The following DOCK4 variants were observed in gnomAD, a reference collection of about 807,000 sequenced individuals.
DOCK4 encodes the protein dedicator of cytokinesis 4.
In DOCK4, 97 loss-of-function variants were observed where a neutral mutation model predicts 268.1. That is an observed-to-expected ratio of 0.36 (90% CI 0.31 to 0.43). The LOEUF (loss-of-function observed/expected upper bound fraction) is 0.43, where lower values mean the gene tolerates loss of function less well. DOCK4 is among the 20% of genes least tolerant of loss of function. The pLI is 1.00. For synonymous variants in DOCK4, 954 were observed against 887.2 expected (o/e 1.08, Z -1.34); for missense variants, 2,145 against 2,455.7 (o/e 0.87, Z 2.67).
chr7:112,169,704 G>C (rs149103185), intron 1 of DOCK4, among the ~76,000 whole-genome samples: 5 of 152,044 alleles, frequency 3.3e-5, no homozygotes. Flanking sequence ...TTCTGGCCTC[G>C]ATTCCAGCAT....
rs1789531586 is a variant in DOCK4 at position 111,862,971 on chromosome 7, A to T, written c.2473+401T>A. 3 of 202,452 alleles carry T rather than the reference A, an allele frequency of 1.5e-5. No individual in the cohort carries two copies. In the South Asian group the frequency reaches 2.3e-4, roughly 15 times the overall value. The allele number at this position is 202,452 out of a possible 1,614,324, so 12.5% of individuals were successfully genotyped here. ...ACTAACAGTTATTATAACAAAATTA[A>T]TTTGAGTCACTGACCACTTGCTCTT... is the stretch of plus-strand genomic sequence containing the variant. On this transcript the variant is annotated intron_variant, in intron 23 of 52. Coordinates refer to ENST00000428084, the MANE Select transcript of DOCK4 (RefSeq NM_001363540.2).
chr7:111,767,079 C>G lies in DOCK4; in HGVS notation c.3868G>C (p.Glu1290Gln), dbSNP rs1797806212. ...NGIILCRKIAEQYESYYDYRN... is the reference protein window; with the variant it reads ...NGIILCRKIAQQYESYYDYRN... The stretch of plus-strand genomic sequence containing the variant: ...TAGTCATAATAACTCTCATACTGCT[C>G]TGCAATCTTCCGGCACAAGATAATG... Residue 1290 changes from glutamate to glutamine, a missense_variant, in exon 38 of 53, where the codon GAG becomes CAG. Transcript: ENST00000428084. The G allele has an allele frequency of 6.2e-7, 1 of 1,613,856 alleles. No individual in the cohort carries two copies. The highest frequency in any genetic ancestry group is 2.2e-5 in the East Asian group (1 of 44,880).
At chr7:111,764,331 A>T (rs1797640344) in intron 39 of DOCK4, among the ~76,000 whole-genome samples, 1 of 152,254 alleles carries the variant, frequency 6.6e-6, no homozygotes, top group Non-Finnish European at 1.5e-5. Flanking sequence ...ATGTGCTGAC[A>T]GGCAAGATTT....
rs73422427 is a variant in DOCK4 at position 111,876,962 on chromosome 7, G to A, written c.1744+68C>T. 2,314 of 1,265,144 alleles carry A rather than the reference G, an allele frequency of 1.8e-3. 37 individuals carry two copies. The African/African-American group carries it at 0.033, about 18-fold the overall frequency. The allele number at this position is 1,265,144 out of a possible 1,614,324, so 78.4% of individuals were successfully genotyped here. A position where few individuals can be genotyped will look rare whatever the true frequency, so the allele number is the denominator to read the frequency against. ...CTTAACTATCACTTTGGTGTTTACT[G>A]AATATGCTTACCAAAATATACATGA... On this transcript the variant is annotated intron_variant, in intron 17 of 52. Transcript: ENST00000428084.
chr7:111,998,430 A>C lies in DOCK4; in HGVS notation c.218+18T>G, dbSNP rs528970567. 9 of 1,550,800 alleles carry C rather than the reference A, an allele frequency of 5.8e-6. No individual in the cohort carries two copies. In the African/African-American group the frequency reaches 1.2e-4, roughly 21 times the overall value. ...CTCTGTGAAAATCCTCCAACTACTA[A>C]TAAAACTCATTTCTTACCCTTTGTT... On this transcript the variant is annotated intron_variant, in intron 4 of 52. Transcript: ENST00000428084.
At chr7:112,069,925 G>C (rs1257258831) in intron 1 of DOCK4, among the ~76,000 whole-genome samples, 34 of 152,172 alleles carry the variant, frequency 2.2e-4, no homozygotes, top group Admixed American at 2.2e-3. Context: ...CATGGGAAGA[G>C]AGTTACACAG....
intron 36 of DOCK4, among the ~76,000 whole-genome samples, chr7:111,771,955 C>A (rs1472018043): frequency 6.6e-6 from 1 of 152,090 alleles, no homozygotes; most frequent in East Asian, 1.9e-4. Context: ...CAGAAAATAC[C>A]CCAGAGACTA....
Position 111,944,912 on chromosome 7 carries a change from C to A in DOCK4, c.784-41G>T, listed in dbSNP as rs376076615. The stretch of plus-strand genomic sequence containing the variant: ...GTTTGGTTATTTTGGAAGACATGAG[C>A]GGCACTTAAAGGGCATAGCACTTTA... On this transcript the variant is annotated intron_variant, in intron 9 of 52. Transcript: ENST00000428084. The A allele has an allele frequency of 5.7e-6, 9 of 1,579,834 alleles. No homozygotes were observed. The South Asian group carries it at 7.8e-5, about 14-fold the overall frequency.
chr7:112,126,863 C>T (rs1813267760), intron 1 of DOCK4, among the ~76,000 whole-genome samples: 2 of 152,118 alleles, frequency 1.3e-5, no homozygotes, highest in East Asian at 1.9e-4. Context: ...CAATGAGATA[C>T]CATCTCACAC....
chr7:111,924,282 A>T (rs1367518562), intron 12 of DOCK4, among the ~76,000 whole-genome samples: 1 of 152,044 alleles, frequency 6.6e-6, no homozygotes, highest in Non-Finnish European at 1.5e-5. Flanking sequence ...TTTCACAGGG[A>T]TCCCATGCAT....
chr7:111,811,916 A>C lies in DOCK4; in HGVS notation c.2964T>G (p.Asp988Glu). The C allele has an allele frequency of 6.5e-7, 1 of 1,530,950 alleles. No homozygotes were observed. The allele number at this position is 1,530,950 out of a possible 1,614,324, so 94.8% of individuals were successfully genotyped here. Residue 988 changes from aspartate to glutamate, a missense_variant, in exon 28 of 53, where the codon GAT (aspartate) becomes GAG (glutamate). Around this residue, in one of 2 missense-constraint regions of DOCK4, gnomAD observed 1,598 missense variants for 1,986.7 expected, o/e 0.80. Coordinates refer to ENST00000428084, the MANE Select transcript of DOCK4 (RefSeq NM_001363540.2). ...CATTTAAGAAGTTCTTACGAAGTGC[A>C]TCTGAGAGGTATAGAACTGTTGTAA... ...VIITTVLYLS[D>E]ALRKNFLNEN...
chr7:111,756,252 G>A (rs1474172611), intron 41 of DOCK4, among the ~76,000 whole-genome samples: 2 of 152,194 alleles, frequency 1.3e-5, no homozygotes, highest in Non-Finnish European at 2.9e-5. Context: ...GGGAGGCTGA[G>A]GCAGAAGAAT....
chr7:111,817,680 A>C (rs1801660176), intron 27 of DOCK4, among the ~76,000 whole-genome samples: 1 of 152,144 alleles, frequency 6.6e-6, no homozygotes, highest in South Asian at 2.1e-4. Flanking sequence ...TGCTCTTTTA[A>C]TTATCCCTGT....
intron 1 of DOCK4, among the ~76,000 whole-genome samples, chr7:112,080,039 T>C (rs879440500): frequency 6.6e-5 from 10 of 152,264 alleles, no homozygotes; most frequent in African/African-American, 2.2e-4. Flanking sequence ...GGTTCCTTAG[T>C]TATCTAAATT....
At chr7:111,914,206 T>C (rs1451425224) in intron 13 of DOCK4, among the ~76,000 whole-genome samples, 8 of 152,142 alleles carry the variant, frequency 5.3e-5, no homozygotes, top group Admixed American at 6.5e-5. Flanking sequence ...TAAACAGGTC[T>C]TACTCTCGCC....
chr7:112,144,799 C>T (rs1815288794), intron 1 of DOCK4, among the ~76,000 whole-genome samples: 1 of 152,162 alleles, frequency 6.6e-6, no homozygotes, highest in Non-Finnish European at 1.5e-5. Flanking sequence ...CTAAAGCACA[C>T]TGTGGTATGC....
intron 1 of DOCK4, among the ~76,000 whole-genome samples, chr7:112,201,965 T>C (rs1401923758): frequency 2.0e-5 from 3 of 152,230 alleles, no homozygotes; most frequent in Non-Finnish European, 4.4e-5. Flanking sequence ...GTGCCAGACT[T>C]ACACTTACTT....
At chr7:111,738,517 G>T (rs2133413371) in intron 49 of DOCK4, among the ~76,000 whole-genome samples, 1 of 152,266 alleles carries the variant, frequency 6.6e-6, no homozygotes, top group South Asian at 2.1e-4. Context: ...TGCAAACACA[G>T]GCACTTTATT....
intron 5 of DOCK4, among the ~76,000 whole-genome samples, chr7:111,993,435 AC>A (rs1277422972): frequency 6.6e-6 from 1 of 152,186 alleles, no homozygotes. Flanking sequence ...CCATATTCAT[AC>A]CAGAACCCCA....
Sources: gnomAD v4.1 joint callset for allele counts (sites outside exome capture counted in the v4.1 genomes callset) on GRCh38, gnomAD v4.1.1 for gene constraint, gnomAD v4.1.1 regional missense constraint, MANE v1.5 for transcripts, NCBI Gene and HGNC (gene_info 2026-07-23, HGNC 2026-07-21) for gene names.